The following NLGN2 variants were observed in gnomAD, a reference collection of about 807,000 sequenced individuals.
NLGN2 encodes the protein neuroligin 2.
NLGN2 carries 11 observed loss-of-function variants against 48.6 expected under a neutral mutation model. The observed-to-expected ratio is 0.23, with a 90% confidence interval of 0.14 to 0.37. NLGN2 has a LOEUF of 0.37. Ranked by LOEUF, NLGN2 falls within the 10% of genes least tolerant of loss-of-function variation. The pLI, the probability that NLGN2 is intolerant of heterozygous loss-of-function variation, is 1.00. For missense variants in NLGN2, 801 were observed against 1,225.2 expected, an observed-to-expected ratio of 0.65 and a Z score of 5.17; for synonymous variants, 548 against 550.0, an observed-to-expected ratio of 1.00 and a Z score of 0.05.
chr17:7,407,220 G>A (rs775737170), upstream of NLGN2, among the ~76,000 whole-genome samples: 2 of 152,080 alleles, frequency 1.3e-5, no homozygotes, highest in Non-Finnish European at 2.9e-5. Context: ...GCTGCAGCCC[G>A]TTGCCGAGGT....
chr17:7,408,497 C>A lies in NLGN2; in HGVS notation c.242C>A (p.Ala81Asp), dbSNP rs772469053. ...CCCTACGCCACGCCGCCCCTGGGCG[C>A]CCGCCGCTTCCAGCCGCCTGAGGCG... ...GVPYATPPLG[A>D]RRFQPPEAPA... The change falls in exon 1 of 7, where the codon GCC (alanine) becomes GAC (aspartate). Residue 81 changes from alanine to aspartate, a missense_variant. By Grantham distance (126) the Ala-to-Asp change is moderately radical. Around this residue, in one of 5 missense-constraint regions of NLGN2, gnomAD observed 164 missense variants for 186.2 expected, o/e 0.88. Coordinates refer to ENST00000302926, the MANE Select transcript of NLGN2 (RefSeq NM_020795.4). This position sits in a 1 kb window ranked among gnomAD's most constrained non-coding sequence, Gnocchi z 7.5. 4 of 1,513,568 alleles carry A rather than the reference C, an allele frequency of 2.6e-6. No individual in the cohort carries two copies. Among genetic ancestry groups the A allele is most frequent in the Admixed American group, 4.3e-5 (2 of 46,490 alleles). The allele number at this position is 1,513,568 out of a possible 1,614,324, so 93.8% of individuals were successfully genotyped here. A position where few individuals can be genotyped will look rare whatever the true frequency, so the allele number is the denominator to read the frequency against.
Position 7,414,989 on chromosome 17 carries a change from C to A in NLGN2, c.878C>A (p.Thr293Asn). The A allele has an allele frequency of 6.2e-7, 1 of 1,612,486 alleles. No individual in the cohort carries two copies. Among genetic ancestry groups the A allele is most frequent in the Non-Finnish European group, 8.5e-7 (1 of 1,180,034 alleles). The change falls in exon 5 of 7, where the codon ACC becomes AAC. Residue 293 changes from threonine to asparagine, a missense_variant. By Grantham distance (65) the Thr-to-Asn change is moderately conservative. This residue lies in a region of NLGN2 where 303 missense variants were observed against 600.1 expected (regional missense o/e 0.50). Transcript: ENST00000302926. ...CAGAAGGCCATCGCCCAGAGTGGCACCGCCATTTCCAGCTGGTCTGTCAAC... is the reference window on the plus strand; with the variant it reads ...CAGAAGGCCATCGCCCAGAGTGGCAACGCCATTTCCAGCTGGTCTGTCAAC... Reference protein sequence around the residue: ...LFQKAIAQSGTAISSWSVNYQ... With the variant: ...LFQKAIAQSGNAISSWSVNYQ...
rs555105654 is a variant in NLGN2 at position 7,414,414 on chromosome 17, A to C, written c.579A>C (p.Gly193=). Residue 193 remains glycine (G), a synonymous_variant, in exon 3 of 7, where the codon GGA becomes GGC. Coordinates refer to ENST00000302926, the MANE Select transcript of NLGN2 (RefSeq NM_020795.4). ...LHGGSYMEGT[G]NMFDGSVLAA... is the part of the protein sequence containing the mutation. ...GCGGCTCCTACATGGAGGGGACCGGAAACATGTTCGATGGCTCAGTCCTGG... is the reference window on the plus strand; with the variant it reads ...GCGGCTCCTACATGGAGGGGACCGGCAACATGTTCGATGGCTCAGTCCTGG... 38 of 1,614,094 alleles carry C rather than the reference A, an allele frequency of 2.4e-5. No individual in the cohort carries two copies. The South Asian group carries it at 3.5e-4, about 15-fold the overall frequency.
At chr17:7,406,848 T>C (rs1048497327), upstream of NLGN2, among the ~76,000 whole-genome samples, 1 of 151,888 alleles carries the variant, frequency 6.6e-6, no homozygotes, top group East Asian at 1.9e-4. Flanking sequence ...AGGACATGGG[T>C]CACAATGGCT....
intron 1 of NLGN2, among the ~76,000 whole-genome samples, chr17:7,409,797 C>G (rs1365676820): frequency 6.6e-6 from 1 of 152,070 alleles, no homozygotes; most frequent in African/African-American, 2.4e-5. Flanking sequence ...AAATCATCAC[C>G]CAACCAACCT....
Position 7,408,343 on chromosome 17 carries a change from G to A in NLGN2, c.88G>A (p.Gly30Ser), listed in dbSNP as rs1906739306. 2.0e-6 allele frequency: 3 copies of A among 1,472,014 alleles called. No homozygotes were observed. Among genetic ancestry groups the A allele is most frequent in the East Asian group, 2.9e-5 (1 of 34,422 alleles). The allele number at this position is 1,472,014 out of a possible 1,614,324, so 91.2% of individuals were successfully genotyped here. Residue 30 changes from glycine (G) to serine (S), a missense_variant, in exon 1 of 7, where the codon GGC (glycine) becomes AGC (serine). By Grantham distance (56) the Gly-to-Ser change is moderately conservative (BLOSUM62 0). Transcript: ENST00000302926. This position sits in a 1 kb window ranked among gnomAD's most constrained non-coding sequence, Gnocchi z 7.5. ...CGGCGGCGGCGCCCCGGGCGGCCCC[G>A]GCCTGGGCCTCGGCAGCCTCGGCGA... ...GPGGGAPGGPGLGLGSLGEER... is the reference protein window; with the variant it reads ...GPGGGAPGGPSLGLGSLGEER...
Position 7,412,165 on chromosome 17 carries a change from A to G in NLGN2, c.466A>G (p.Thr156Ala). The G allele has an allele frequency of 1.2e-6, 2 of 1,605,296 alleles. No individual in the cohort carries two copies. Among genetic ancestry groups the G allele is most frequent in the Non-Finnish European group, 1.7e-6 (2 of 1,177,620 alleles). The change falls in exon 2 of 7, where the codon ACA becomes GCA. Residue 156 changes from threonine (T) to alanine (A), a missense_variant. Thr to Ala is a moderately conservative substitution (Grantham distance 58, BLOSUM62 0). This residue lies in a region of NLGN2 where 56 missense variants were observed against 100.0 expected (regional missense o/e 0.56). Transcript: ENST00000302926. ...LYVPTEDGPL[T>A]KKRDEATLNP... ...TGTGTTCCCGGTCTTAGGTCCGCTC[A>G]CAAAAAAACGTGACGAGGCGACGCT... is the stretch of plus-strand genomic sequence containing the variant.
intron 1 of NLGN2, among the ~76,000 whole-genome samples, chr17:7,410,683 C>G (rs1481561133): frequency 6.6e-6 from 1 of 152,226 alleles, no homozygotes; most frequent in Non-Finnish European, 1.5e-5. Flanking sequence ...CCACCCCTGC[C>G]CCCACACCAC....
chr17:7,412,255 A>G, intron 2 of NLGN2, 48 bp downstream of exon 2: 2 of 1,446,826 alleles, frequency 1.4e-6, no homozygotes, highest in Non-Finnish European at 1.9e-6. Flanking sequence ...ATAAGAGGAC[A>G]TTCATGGCCC....
upstream of NLGN2, among the ~76,000 whole-genome samples, chr17:7,407,178 G>A (rs75715316): frequency 1.3e-5 from 2 of 152,008 alleles, no homozygotes; most frequent in East Asian, 1.9e-4. Context: ...GCCCCTTCCC[G>A]TCTTCCTCCA....
rs1464523834 is a variant in NLGN2 at position 7,413,835 on chromosome 17, C to A, written c.509-509C>A. ...AGCCCCAGGGACCCTAGGCCTGGCA[C>A]CCCTCACCCACAGACCAGGGACCCT... On this transcript the variant is annotated intron_variant, in intron 2 of 6. Transcript: ENST00000302926. The surrounding 1 kb of genome is among the most constrained non-coding windows in gnomAD (Gnocchi z 4.9). 6.6e-6 allele frequency among the ~76,000 whole-genome samples: 1 copy of A among 151,864 alleles called. No individual in the cohort carries two copies. Among genetic ancestry groups the A allele is most frequent in the Non-Finnish European group, 1.5e-5 (1 of 67,912 alleles).
intron 2 of NLGN2, 29 bp downstream of exon 2, chr17:7,412,236 T>A (rs1049971173): frequency 6.3e-7 from 1 of 1,597,218 alleles, no homozygotes; most frequent in South Asian, 1.1e-5. Context: ...CTGCTGCATG[T>A]GGTTGCTTAT....
intron 2 of NLGN2, among the ~76,000 whole-genome samples, chr17:7,412,913 C>T (rs12600684): frequency 2.9e-4 from 43 of 148,470 alleles, no homozygotes; most frequent in Non-Finnish European, 1.8e-4. Flanking sequence ...TTCTTTCTTT[C>T]TTCTTTCTTG....
chr17:7,411,616 G>A lies in NLGN2; in HGVS notation c.458-541G>A, dbSNP rs1173027292. On this transcript the variant is annotated intron_variant, in intron 1 of 6. Transcript: ENST00000302926. This position sits in a 1 kb window ranked among gnomAD's most constrained non-coding sequence, Gnocchi z 4.5. ...CGCTGCCCTGCAGAGTGGTCCAGAG[G>A]GAAGCAGAGTCTTTTCTGCGGCAGT... Among the ~76,000 whole-genome samples, 1 of 152,186 alleles carries A rather than the reference G, an allele frequency of 6.6e-6. No individual in the cohort carries two copies. The highest frequency in any genetic ancestry group is 1.9e-4 in the East Asian group (1 of 5,198).
rs942729800 is a variant in NLGN2, at chr17:7,408,244, C to T, written c.-12C>T. 6 of 1,266,028 alleles carry T rather than the reference C, an allele frequency of 4.7e-6. No homozygotes were observed. The highest frequency in any genetic ancestry group is 5.0e-6 in the Non-Finnish European group (5 of 999,884). The allele number at this position is 1,266,028 out of a possible 1,614,324, so 78.4% of individuals were successfully genotyped here. A position where few individuals can be genotyped will look rare whatever the true frequency, so the allele number is the denominator to read the frequency against. On this transcript the variant is annotated 5_prime_UTR_variant, in exon 1 of 7. Coordinates refer to ENST00000302926, the MANE Select transcript of NLGN2 (RefSeq NM_020795.4). The surrounding 1 kb of genome is among the most constrained non-coding windows in gnomAD (Gnocchi z 7.5). ...GGGGTCCCAGGGAGGGAGGGGGGGT[C>T]CCCCGATCAGCATGTGGCTCCTGGC...
At chr17:7,416,793 G>C (rs1179176581) in intron 6 of NLGN2, 133 bp from the exon 7 acceptor site, 2 of 1,124,586 alleles carry the variant, frequency 1.8e-6, no homozygotes, top group Non-Finnish European at 2.6e-6. Flanking sequence ...CTCTGCCTCT[G>C]TGACTTTTTC....
rs1483225369 is a variant in NLGN2, at chr17:7,413,554, C to T, written c.509-790C>T. Among the ~76,000 whole-genome samples the T allele has an allele frequency of 3.6e-4, 55 of 152,150 alleles. No individual in the cohort carries two copies. The highest frequency in any genetic ancestry group is 3.6e-3 in the Admixed American group (55 of 15,284). On this transcript the variant is annotated intron_variant, in intron 2 of 6. Coordinates refer to ENST00000302926, the MANE Select transcript of NLGN2 (RefSeq NM_020795.4). The surrounding 1 kb of genome is among the most constrained non-coding windows in gnomAD (Gnocchi z 4.9). ...GACTCCCACATCCTCTGGAATTAGTCACCCTTCAGTCCAATCTGGAGCAAC... is the reference window on the plus strand; with the variant it reads ...GACTCCCACATCCTCTGGAATTAGTTACCCTTCAGTCCAATCTGGAGCAAC...
chr17:7,408,646 G>T lies in NLGN2; in HGVS notation c.391G>T (p.Ala131Ser), dbSNP rs757491477. 1.2e-6 allele frequency: 2 copies of T among 1,612,354 alleles called. No homozygotes were observed. The highest frequency in any genetic ancestry group is 1.7e-6 in the Non-Finnish European group (2 of 1,179,622). ...GTTCACCGACAACTTGGAGGCGGCCGCCACCTACGTGCAGAACCAGAGCGA... is the reference window on the plus strand; with the variant it reads ...GTTCACCGACAACTTGGAGGCGGCCTCCACCTACGTGCAGAACCAGAGCGA... ...VWFTDNLEAA[A>S]TYVQNQSEDC... Residue 131 changes from alanine (A) to serine (S), a missense_variant, in exon 1 of 7, where the codon GCC becomes TCC. This residue lies in a region of NLGN2 where 56 missense variants were observed against 100.0 expected (regional missense o/e 0.56). Coordinates refer to ENST00000302926, the MANE Select transcript of NLGN2 (RefSeq NM_020795.4). This position sits in a 1 kb window ranked among gnomAD's most constrained non-coding sequence, Gnocchi z 7.5.
upstream of NLGN2, among the ~76,000 whole-genome samples, chr17:7,406,722 C>A (rs1472191960): frequency 2.0e-5 from 3 of 151,814 alleles, no homozygotes; most frequent in African/African-American, 7.3e-5. Flanking sequence ...TTGGCTGGCC[C>A]CTGCTGCCCT....
Sources: gnomAD v4.1 joint callset for allele counts (sites outside exome capture counted in the v4.1 genomes callset) on GRCh38, gnomAD v4.1.1 for gene constraint, gnomAD v4.1.1 regional missense constraint, Gnocchi (gnomAD v3.1) non-coding constraint, MANE v1.5 for transcripts, NCBI Gene and HGNC (gene_info 2026-07-23, HGNC 2026-07-21) for gene names.